The following NARS2 variants were observed in gnomAD, a reference collection of about 807,000 sequenced individuals.
NARS2 encodes asparaginyl-tRNA synthetase.
In NARS2, 60 loss-of-function variants were observed where a neutral mutation model predicts 62.9. That is an observed-to-expected ratio of 0.95 (90% CI 0.77 to 1.18). NARS2 has a LOEUF of 1.18. Ranked by LOEUF, NARS2 falls within the 50% of genes most tolerant of loss-of-function variation. The pLI is 0.00. For missense variants in NARS2, 619 were observed against 576.4 expected, an observed-to-expected ratio of 1.07 and a Z score of -0.76; for synonymous variants, 196 against 200.0, an observed-to-expected ratio of 0.98 and a Z score of 0.17.
chr11:78,487,103 C>T (rs1287271435), intron 7 of NARS2, among the ~76,000 whole-genome samples: 1 of 151,942 alleles, frequency 6.6e-6, no homozygotes, highest in Non-Finnish European at 1.5e-5. Flanking sequence ...CGCCTGTAAT[C>T]CCAGCACTTT....
At chr11:78,462,225 G>C (rs1483350658) in intron 11 of NARS2, among the ~76,000 whole-genome samples, 1 of 152,060 alleles carries the variant, frequency 6.6e-6, no homozygotes, top group Non-Finnish European at 1.5e-5. Flanking sequence ...GAATGGGCTG[G>C]AGTGATGAAA....
rs139974176 is a variant in NARS2, at chr11:78,452,023, C to T, written c.1165-8265G>A. Among the ~76,000 whole-genome samples the T allele has an allele frequency of 5.8e-4, 89 of 152,260 alleles. 1 individual carries two copies. In the East Asian group the frequency reaches 0.011, roughly 19 times the overall value. On this transcript the variant is annotated intron_variant, in intron 11 of 13. Transcript: ENST00000281038. ...CTGCAAGCTTTTGAACTTCCTGTTA[C>T]GAAGTATCCATATCTTTTAGTTAGA...
intron 10 of NARS2, 126 bp from the exon 11 acceptor site, chr11:78,466,139 C>G: frequency 2.1e-6 from 2 of 934,464 alleles, no homozygotes; most frequent in East Asian, 5.1e-5. Context: ...GTGGAGCTAG[C>G]TGCTAAGGTT....
At chr11:78,571,283 A>C (rs1311501023) in intron 2 of NARS2, 52 bp downstream of exon 2, 8 of 1,132,672 alleles carry the variant, frequency 7.1e-6, no homozygotes, top group Non-Finnish European at 1.1e-5. Context: ...AGTGAGAAGC[A>C]CTAGAGGTGA....
At chr11:78,515,065 T>C (rs1172063452) in intron 6 of NARS2, among the ~76,000 whole-genome samples, 2 of 152,308 alleles carry the variant, frequency 1.3e-5, no homozygotes, top group East Asian at 3.9e-4. Context: ...GGCTGAGTGA[T>C]GACCAATATG....
At chr11:78,518,312 T>G (rs1025756855) in intron 6 of NARS2, among the ~76,000 whole-genome samples, 4 of 152,072 alleles carry the variant, frequency 2.6e-5, no homozygotes, top group Non-Finnish European at 4.4e-5. Flanking sequence ...CCAGTCCCCC[T>G]CAGATATATG....
chr11:78,547,568 T>C (rs189850339), intron 5 of NARS2, among the ~76,000 whole-genome samples: 15 of 152,344 alleles, frequency 9.8e-5, no homozygotes, highest in Admixed American at 9.8e-4. Context: ...CCAGGCATGG[T>C]GGCTCACGCC....
intron 7 of NARS2, among the ~76,000 whole-genome samples, chr11:78,486,189 A>T (rs762476526): frequency 2.6e-5 from 4 of 151,784 alleles, no homozygotes; most frequent in African/African-American, 9.7e-5. Context: ...ATTTTTTTTT[A>T]AATATTTTCT....
chr11:78,564,712 G>A (rs1371272670), intron 4 of NARS2, among the ~76,000 whole-genome samples: 1 of 152,180 alleles, frequency 6.6e-6, no homozygotes, highest in Non-Finnish European at 1.5e-5. Flanking sequence ...TGTGGTTCAA[G>A]CAGTACTGAA....
intron 6 of NARS2, among the ~76,000 whole-genome samples, chr11:78,501,860 A>G (rs1459027494): frequency 6.6e-6 from 1 of 152,212 alleles, no homozygotes; most frequent in Non-Finnish European, 1.5e-5. Context: ...AATAATAAAG[A>G]CAGGTATTCA....
At chr11:78,545,776 T>A (rs114891268) in intron 5 of NARS2, among the ~76,000 whole-genome samples, 8 of 152,044 alleles carry the variant, frequency 5.3e-5, no homozygotes, top group Admixed American at 1.3e-4. Flanking sequence ...TCAAGTGATA[T>A]ATACGCCTGC....
At chr11:78,462,261 T>C (rs1445187196) in intron 11 of NARS2, among the ~76,000 whole-genome samples, 1 of 152,204 alleles carries the variant, frequency 6.6e-6, no homozygotes, top group African/African-American at 2.4e-5. Context: ...CAGTCTTCTG[T>C]TTTGTAATAT....
chr11:78,467,677 ATATT>A (rs1278462689), intron 10 of NARS2, among the ~76,000 whole-genome samples: 8 of 152,110 alleles, frequency 5.3e-5, no homozygotes, highest in Non-Finnish European at 2.9e-5. Context: ...AAATGAGGTG[ATATT>A]TGTCAAAGTG....
intron 5 of NARS2, among the ~76,000 whole-genome samples, chr11:78,557,857 A>G (rs1856418302): frequency 6.7e-6 from 1 of 149,124 alleles, no homozygotes. Context: ...TATATATACA[A>G]TCACTCAGAG....
At chr11:78,493,687 G>GA (rs553347200) in intron 6 of NARS2, among the ~76,000 whole-genome samples, 7 of 145,310 alleles carry the variant, frequency 4.8e-5, no homozygotes, top group African/African-American at 1.0e-4. Context: ...AAAAAAAAAA[G>GA]AAAAAAAAAA....
At chr11:78,560,911 G>A (rs969261123) in intron 4 of NARS2, among the ~76,000 whole-genome samples, 5 of 152,226 alleles carry the variant, frequency 3.3e-5, no homozygotes, top group South Asian at 2.1e-4. Flanking sequence ...CCACATGAAC[G>A]TAGGCAACTA....
At chr11:78,446,465 C>T (rs1460499433) in intron 11 of NARS2, among the ~76,000 whole-genome samples, 1 of 152,110 alleles carries the variant, frequency 6.6e-6, no homozygotes, top group Non-Finnish European at 1.5e-5. Flanking sequence ...TGGTGTCTTG[C>T]TTTTAGATAT....
chr11:78,489,287 C>T (rs887571019), intron 7 of NARS2, among the ~76,000 whole-genome samples: 3 of 152,100 alleles, frequency 2.0e-5, no homozygotes, highest in South Asian at 2.1e-4. Context: ...AATAAAAATA[C>T]ATCTCACAGG....
At chr11:78,515,727 A>G (rs1457353104) in intron 6 of NARS2, among the ~76,000 whole-genome samples, 1 of 151,506 alleles carries the variant, frequency 6.6e-6, no homozygotes, top group Non-Finnish European at 1.5e-5. Context: ...GAGTCTTGCT[A>G]TTGTCCAGTC....
Sources: gnomAD v4.1 joint callset for allele counts (sites outside exome capture counted in the v4.1 genomes callset) on GRCh38, gnomAD v4.1.1 for gene constraint, MANE v1.5 for transcripts, NCBI Gene and HGNC (gene_info 2026-07-23, HGNC 2026-07-21) for gene names.